Variants in AP4S1 observed in about 807,000 individuals in gnomAD.
AP4S1 encodes the protein adaptor related protein complex 4 subunit sigma 1.
Under a neutral mutation model 19.8 loss-of-function variants are expected in AP4S1, and 23 were observed. That is an observed-to-expected ratio of 1.16 (90% CI 0.84 to 1.65). AP4S1 has a LOEUF of 1.65. AP4S1 is among the 40% of genes most tolerant of loss of function. The probability of loss-of-function intolerance (pLI) is 0.00; values close to 1 mark genes in which losing one functional copy is unlikely to be tolerated. For missense variants in AP4S1, 166 were observed against 172.8 expected (o/e 0.96, Z 0.22); for synonymous variants, 46 against 54.1 (o/e 0.85, Z 0.66).
chr14:31,073,043 C>A (rs772059733), intron 4 of AP4S1, 70 bp downstream of exon 4: 5 of 1,284,214 alleles, frequency 3.9e-6, no homozygotes, highest in Non-Finnish European at 5.7e-6. Context: ...CTCTTTGGAT[C>A]TATATCAAGA....
intron 1 of AP4S1, among the ~76,000 whole-genome samples, chr14:31,032,497 C>T (rs1476968646): frequency 1.3e-5 from 2 of 151,494 alleles, no homozygotes; most frequent in African/African-American, 4.9e-5. Context: ...TGTATAGCTC[C>T]CTGTAATTAC....
At position 31,095,203 on chromosome 14, in the gene AP4S1, AAAAC is replaced by A. The variant is rs1212153076; in HGVS notation, c.*2172_*2175del. 6.6e-6 allele frequency: 1 copy of A among 152,256 alleles called. No individual in the cohort carries two copies. Among genetic ancestry groups the A allele is most frequent in the Non-Finnish European group, 1.5e-5 (1 of 68,062 alleles). 9.4% of individuals were successfully genotyped at this position (152,256 alleles called of 1,614,324 possible). On this transcript the variant is annotated 3_prime_UTR_variant, in exon 6 of 6. Coordinates refer to ENST00000542754, the MANE Select transcript of AP4S1 (RefSeq NM_001128126.3). The stretch of plus-strand genomic sequence containing the variant: ...AGTGAGGCCCTGCCTCAAAAACACA[AAAAC>A]AAAACAAAAAAACTTTTATAACATG...
intron 4 of AP4S1, among the ~76,000 whole-genome samples, chr14:31,078,030 GGCCTTTATCA>G (rs1158198634): frequency 6.6e-6 from 1 of 152,144 alleles, no homozygotes; most frequent in African/African-American, 2.4e-5. Context: ...CACCGTGCCC[GGCCTTTATCA>G]GCCTTTTCTT....
At chr14:31,068,461 T>C (rs1886841283) in intron 2 of AP4S1, among the ~76,000 whole-genome samples, 1 of 152,250 alleles carries the variant, frequency 6.6e-6, no homozygotes, top group African/African-American at 2.4e-5. Flanking sequence ...AGTTCCTCTT[T>C]GAATTACTAC....
chr14:31,082,237 A>AAGG (rs1887674607), intron 5 of AP4S1, among the ~76,000 whole-genome samples: 1 of 152,192 alleles, frequency 6.6e-6, no homozygotes, highest in Non-Finnish European at 1.5e-5. Context: ...AAGGGACTAT[A>AAGG]GATCCCTTTG....
intron 1 of AP4S1, among the ~76,000 whole-genome samples, chr14:31,029,918 T>C (rs1421445352): frequency 6.6e-6 from 1 of 152,042 alleles, no homozygotes; most frequent in Admixed American, 6.6e-5. Context: ...CCCTGAATTC[T>C]TTTGACTCAC....
rs967288409 is a variant in AP4S1, at chr14:31,027,840, A to T, written c.-72+2053A>T. On this transcript the variant is annotated intron_variant, in intron 1 of 5. Transcript: ENST00000542754. ...CATTTGTTTGAAAAATAAGACAAAA[A>T]TAATTAACAACATAAGGAAATTAGG... is the stretch of plus-strand genomic sequence containing the variant. Among the ~76,000 whole-genome samples, 5 of 152,214 alleles carry T rather than the reference A, an allele frequency of 3.3e-5. No homozygotes were observed. The South Asian group carries it at 8.3e-4, about 25-fold the overall frequency.
intron 5 of AP4S1, among the ~76,000 whole-genome samples, chr14:31,087,756 A>C (rs1594717088): frequency 1.3e-5 from 2 of 152,244 alleles, no homozygotes; most frequent in East Asian, 3.9e-4. Context: ...GGTGTTGTCG[A>C]AGCTTTTTTG....
intron 1 of AP4S1, among the ~76,000 whole-genome samples, chr14:31,057,640 T>A (rs910016391): frequency 6.6e-6 from 1 of 152,164 alleles, no homozygotes; most frequent in African/African-American, 2.4e-5. Context: ...TTATTTATTT[T>A]TTGGAGACGA....
chr14:31,082,546 C>A (rs1323935948), intron 5 of AP4S1, among the ~76,000 whole-genome samples: 1 of 152,204 alleles, frequency 6.6e-6, no homozygotes, highest in Non-Finnish European at 1.5e-5. Context: ...CACTGACTAG[C>A]TGTGTGTATT....
intron 1 of AP4S1, among the ~76,000 whole-genome samples, chr14:31,031,341 T>C (rs1884376361): frequency 1.3e-5 from 2 of 152,234 alleles, no homozygotes; most frequent in African/African-American, 4.8e-5. Context: ...TCTGAAGGAT[T>C]GCAGCCTTGT....
chr14:31,052,440 A>G (rs1481706335), intron 1 of AP4S1, among the ~76,000 whole-genome samples: 1 of 151,998 alleles, frequency 6.6e-6, no homozygotes, highest in Non-Finnish European at 1.5e-5. Flanking sequence ...AGGTAAAATC[A>G]TTGGCCAAGC....
intron 1 of AP4S1, among the ~76,000 whole-genome samples, chr14:31,061,795 A>C (rs1046177647): frequency 1.3e-5 from 2 of 151,876 alleles, no homozygotes; most frequent in African/African-American, 4.8e-5. Flanking sequence ...GGTGCATGCC[A>C]CCACACCCAG....
At chr14:31,068,647 G>C (rs1389050186) in intron 2 of AP4S1, among the ~76,000 whole-genome samples, 1 of 152,212 alleles carries the variant, frequency 6.6e-6, no homozygotes, top group Non-Finnish European at 1.5e-5. Context: ...TCACTGATAG[G>C]TTACCCTTTG....
At chr14:31,067,064 A>G (rs1391951825) in intron 2 of AP4S1, among the ~76,000 whole-genome samples, 2 of 152,122 alleles carry the variant, frequency 1.3e-5, no homozygotes, top group Non-Finnish European at 2.9e-5. Flanking sequence ...GTGAAAAATT[A>G]GCTGGGCGTA....
intron 1 of AP4S1, among the ~76,000 whole-genome samples, chr14:31,053,171 T>A (rs959590736): frequency 6.6e-6 from 1 of 151,920 alleles, no homozygotes; most frequent in Non-Finnish European, 1.5e-5. Context: ...GAACACCAGA[T>A]CCCAGGTGAT....
At chr14:31,029,935 A>G (rs1884290200) in intron 1 of AP4S1, among the ~76,000 whole-genome samples, 1 of 150,282 alleles carries the variant, frequency 6.7e-6, no homozygotes, top group Non-Finnish European at 1.5e-5. Flanking sequence ...TCACTATTCT[A>G]TTGTAGTAGC....
At chr14:31,045,627 G>C (rs570891166) in intron 1 of AP4S1, among the ~76,000 whole-genome samples, 1 of 152,002 alleles carries the variant, frequency 6.6e-6, no homozygotes, top group Non-Finnish European at 1.5e-5. Flanking sequence ...ACCTAGTCTC[G>C]GGCAGTTCTT....
chr14:31,061,882 C>A (rs930337174), intron 1 of AP4S1, among the ~76,000 whole-genome samples: 1 of 151,866 alleles, frequency 6.6e-6, no homozygotes, highest in African/African-American at 2.4e-5. Flanking sequence ...CCTCATGATC[C>A]GCCCGCCTCG....
Sources: gnomAD v4.1 joint callset for allele counts (sites outside exome capture counted in the v4.1 genomes callset) on GRCh38, gnomAD v4.1.1 for gene constraint, MANE v1.5 for transcripts, NCBI Gene and HGNC (gene_info 2026-07-23, HGNC 2026-07-21) for gene names.